PLCB1: variants seen among roughly 807,000 people sequenced by gnomAD.
PLCB1 encodes phospholipase C beta 1.
A neutral mutation model predicts 161.8 loss-of-function variants in PLCB1; 46 were observed. The ratio of observed to expected loss-of-function variants is 0.28; its 90% CI spans 0.22 to 0.36. The LOEUF (loss-of-function observed/expected upper bound fraction) is 0.36. Among genes scored for constraint, PLCB1 ranks in the 10% least tolerant of loss-of-function variants. PLCB1 has a pLI of 1.00. For synonymous variants in PLCB1, 517 were observed against 503.7 expected (o/e 1.03, Z -0.35); for missense variants, 1,016 against 1,472.5 (o/e 0.69, Z 5.07).
At chr20:8,530,525 AACTAC>A (rs1984767954) in intron 3 of PLCB1, among the ~76,000 whole-genome samples, 1 of 152,082 alleles carries the variant, frequency 6.6e-6, no homozygotes, top group Non-Finnish European at 1.5e-5. Flanking sequence ...TATTTATTTA[AACTAC>A]ATTGCATTAT....
At chr20:8,238,028 A>ATTCAAAGACT (rs1359349105) in intron 2 of PLCB1, among the ~76,000 whole-genome samples, 35 of 152,238 alleles carry the variant, frequency 2.3e-4, no homozygotes, top group African/African-American at 7.9e-4. Flanking sequence ...ATTCTCAAAG[A>ATTCAAAGACT]CGAAAATGAA....
intron 3 of PLCB1, among the ~76,000 whole-genome samples, chr20:8,587,902 T>G (rs1987038243): frequency 1.3e-5 from 2 of 152,292 alleles, no homozygotes; most frequent in South Asian, 4.1e-4. Context: ...GAATGATAAA[T>G]GAGGTGACTT....
chr20:8,679,599 G>T (rs889108689), intron 9 of PLCB1, among the ~76,000 whole-genome samples: 10 of 152,144 alleles, frequency 6.6e-5, no homozygotes. Flanking sequence ...GCAGAATTTT[G>T]AATTGATGTC....
chr20:8,610,975 T>A (rs547344419), intron 3 of PLCB1, among the ~76,000 whole-genome samples: 2 of 152,150 alleles, frequency 1.3e-5, no homozygotes, highest in African/African-American at 4.8e-5. Flanking sequence ...TTTGCTAATT[T>A]AAAGAAAAAT....
In PLCB1 at chr20:8,883,393, T is replaced by G. The variant is rs917067963; in HGVS notation, c.*1544T>G. Reference sequence around the variant, plus strand: ...ACTGATCAAAAGCATAATTGAAAGTTCTGAAAAAAGAAAAATAATAATATG... The same window carrying G: ...ACTGATCAAAAGCATAATTGAAAGTGCTGAAAAAAGAAAAATAATAATATG... On this transcript the variant is annotated 3_prime_UTR_variant, in exon 32 of 32. Coordinates refer to ENST00000338037, the MANE Select transcript of PLCB1 (RefSeq NM_015192.4). 5.9e-5 allele frequency: 9 copies of G among 151,894 alleles called. No homozygotes were observed. Among genetic ancestry groups the G allele is most frequent in the African/African-American group, 1.9e-4 (8 of 41,386 alleles). 9.4% of individuals were successfully genotyped at this position (151,894 alleles called of 1,614,324 possible). A position where few individuals can be genotyped will look rare whatever the true frequency, so the allele number is the denominator to read the frequency against.
At position 8,881,947 on chromosome 20, in the gene PLCB1, AG is replaced by A; in HGVS notation, c.*99del. On this transcript the variant is annotated 3_prime_UTR_variant, in exon 32 of 32. Coordinates refer to ENST00000338037, the MANE Select transcript of PLCB1 (RefSeq NM_015192.4). ...ACTGCCCAGGACCATCTTCCCGAGA[AG>A]CATCCCTTAGCCTAAAATCCACACC... is the stretch of plus-strand genomic sequence containing the variant. 1.3e-6 allele frequency: 1 copy of A among 768,206 alleles called. No individual in the cohort carries two copies. The allele number at this position is 768,206 out of a possible 1,614,324, so 47.6% of individuals were successfully genotyped here.
chr20:8,629,273 A>G (rs1988454484), intron 4 of PLCB1, among the ~76,000 whole-genome samples: 1 of 152,230 alleles, frequency 6.6e-6, no homozygotes, highest in African/African-American at 2.4e-5. Context: ...GTAAGAACAA[A>G]TAATATTTAT....
At chr20:8,603,929 C>T (rs1987675717) in intron 3 of PLCB1, among the ~76,000 whole-genome samples, 1 of 152,090 alleles carries the variant, frequency 6.6e-6, no homozygotes, top group Admixed American at 6.6e-5. Context: ...TGTGAATGTA[C>T]TAAATGCCAC....
At chr20:8,805,550 T>A (rs1984494909) in intron 31 of PLCB1, among the ~76,000 whole-genome samples, 1 of 152,244 alleles carries the variant, frequency 6.6e-6, no homozygotes, top group Non-Finnish European at 1.5e-5. Context: ...TCAAAATATT[T>A]TTCTGACACA....
intron 3 of PLCB1, among the ~76,000 whole-genome samples, chr20:8,498,649 A>C (rs1983279405): frequency 6.6e-6 from 1 of 152,196 alleles, no homozygotes; most frequent in African/African-American, 2.4e-5. Flanking sequence ...AATAGTGACT[A>C]ACCCAAGGAC....
chr20:8,145,770 T>C (rs1430709963), intron 1 of PLCB1, among the ~76,000 whole-genome samples: 1 of 152,192 alleles, frequency 6.6e-6, no homozygotes, highest in African/African-American at 2.4e-5. Context: ...GTAGCCTCAT[T>C]AAAACAAGTA....
chr20:8,525,096 T>C (rs1984528833), intron 3 of PLCB1, among the ~76,000 whole-genome samples: 1 of 152,110 alleles, frequency 6.6e-6, no homozygotes, highest in Admixed American at 6.6e-5. Context: ...CTTCAGTTAC[T>C]TTTACAAAGC....
Position 8,511,453 on chromosome 20 carries a change from T to TA in PLCB1, c.247-116841_247-116840insA, listed in dbSNP as rs1983891581. Among the ~76,000 whole-genome samples, 3 of 152,338 alleles carry TA rather than the reference T, an allele frequency of 2.0e-5. No individual in the cohort carries two copies. In the East Asian group the frequency reaches 5.8e-4, roughly 29 times the overall value. ...GGACACTTAGGTTGGTTCCATATCT[T>TA]GCCTGTTGTGAATAATACTTCAAGA... On this transcript the variant is annotated intron_variant, in intron 3 of 31. Coordinates refer to ENST00000338037, the MANE Select transcript of PLCB1 (RefSeq NM_015192.4).
chr20:8,855,446 C>G (rs1054227950), intron 31 of PLCB1, among the ~76,000 whole-genome samples: 1 of 152,176 alleles, frequency 6.6e-6, no homozygotes, highest in African/African-American at 2.4e-5. Flanking sequence ...GTCACCAGCA[C>G]TCCCAGACCC....
chr20:8,520,306 A>G (rs908279861), intron 3 of PLCB1, among the ~76,000 whole-genome samples: 2 of 152,160 alleles, frequency 1.3e-5, no homozygotes, highest in African/African-American at 4.8e-5. Context: ...TATTATTGCA[A>G]TTTCCATCAT....
At chr20:8,621,725 A>T (rs1437822075) in intron 3 of PLCB1, among the ~76,000 whole-genome samples, 1 of 152,222 alleles carries the variant, frequency 6.6e-6, no homozygotes, top group Non-Finnish European at 1.5e-5. Context: ...ATCAAATTGG[A>T]TATACTTTGT....
chr20:8,492,940 A>G (rs933469672), intron 3 of PLCB1, among the ~76,000 whole-genome samples: 2 of 151,850 alleles, frequency 1.3e-5, no homozygotes, highest in Admixed American at 1.3e-4. Flanking sequence ...ATAAGTTCCT[A>G]ACTGATAGCA....
intron 10 of PLCB1, among the ~76,000 whole-genome samples, chr20:8,693,127 T>C (rs1354258956): frequency 1.3e-5 from 2 of 152,330 alleles, no homozygotes; most frequent in Non-Finnish European, 2.9e-5. Flanking sequence ...CCTACCTGGA[T>C]GGTAAGGGTA....
At chr20:8,285,466 A>G (rs1051507514) in intron 2 of PLCB1, among the ~76,000 whole-genome samples, 4 of 152,000 alleles carry the variant, frequency 2.6e-5, no homozygotes, top group Non-Finnish European at 4.4e-5. Flanking sequence ...CCAATTTTTA[A>G]TTTTTATTTT....
Sources: allele counts gnomAD v4.1 joint callset (sites outside exome capture counted in the v4.1 genomes callset), GRCh38; gene constraint gnomAD v4.1.1; transcripts MANE v1.5; gene names NCBI Gene and HGNC (gene_info 2026-07-23, HGNC 2026-07-21).